The following PLCB1 variants were observed in gnomAD, a reference collection of about 807,000 sequenced individuals.
PLCB1 encodes phospholipase C beta 1.
Under a neutral mutation model 161.8 loss-of-function variants are expected in PLCB1, and 46 were observed. The ratio of observed to expected loss-of-function variants is 0.28; its 90% CI spans 0.22 to 0.36. The LOEUF (loss-of-function observed/expected upper bound fraction) is 0.36, where lower values mean the gene tolerates loss of function less well. PLCB1 is among the 10% of genes least tolerant of loss of function. The probability of loss-of-function intolerance (pLI) is 1.00; values close to 1 mark genes in which losing one functional copy is unlikely to be tolerated. For synonymous variants in PLCB1, 517 were observed against 503.7 expected (o/e 1.03, Z -0.35); for missense variants, 1,016 against 1,472.5 (o/e 0.69, Z 5.07).
At chr20:8,826,338 A>G (rs1985699106) in intron 31 of PLCB1, among the ~76,000 whole-genome samples, 1 of 152,108 alleles carries the variant, frequency 6.6e-6, no homozygotes, top group East Asian at 1.9e-4. Flanking sequence ...TACTAAAAAT[A>G]TAAAAAATTA....
chr20:8,854,569 A>G (rs1987003939), intron 31 of PLCB1, among the ~76,000 whole-genome samples: 2 of 152,214 alleles, frequency 1.3e-5, no homozygotes, highest in African/African-American at 4.8e-5. Flanking sequence ...GGAGGGGAGT[A>G]GGGAAATTAA....
At chr20:8,485,407 A>G (rs1982676874) in intron 3 of PLCB1, among the ~76,000 whole-genome samples, 1 of 152,250 alleles carries the variant, frequency 6.6e-6, no homozygotes, top group African/African-American at 2.4e-5. Flanking sequence ...AATCAATTGT[A>G]AGCTGCCTAA....
At chr20:8,229,129 C>T (rs1292494441) in intron 2 of PLCB1, among the ~76,000 whole-genome samples, 1 of 152,090 alleles carries the variant, frequency 6.6e-6, no homozygotes, top group Non-Finnish European at 1.5e-5. Context: ...TGAATGAGCA[C>T]AAGCAGTATT....
chr20:8,180,938 AGTGTGT>A (rs10604975), intron 2 of PLCB1, among the ~76,000 whole-genome samples: 6,921 of 149,676 alleles, frequency 0.046, 197 homozygotes, highest in Middle Eastern at 0.13. Flanking sequence ...ATAATGTAAA[AGTGTGT>A]GTGTGTGTGT....
At chr20:8,353,557 G>T (rs1986255580) in intron 2 of PLCB1, among the ~76,000 whole-genome samples, 2 of 152,056 alleles carry the variant, frequency 1.3e-5, no homozygotes, top group South Asian at 4.1e-4. Context: ...AAGTCATGTT[G>T]ATAGTAGGTA....
rs1429274362 is a variant in PLCB1, at chr20:8,619,879, AAAGT to A, written c.247-8408_247-8405del. Among the ~76,000 whole-genome samples the A allele has an allele frequency of 3.3e-5, 5 of 152,342 alleles. No individual in the cohort carries two copies. In the East Asian group the frequency reaches 9.6e-4, roughly 29 times the overall value. Reference sequence around the variant, plus strand: ...ATATACATACTGATCGACAAATCTCAAAGTAAGTAAATGGATATACATACATATA... The same window carrying A: ...ATATACATACTGATCGACAAATCTCAAAGTAAATGGATATACATACATATA... On this transcript the variant is annotated intron_variant, in intron 3 of 31. Coordinates refer to ENST00000338037, the MANE Select transcript of PLCB1 (RefSeq NM_015192.4).
intron 12 of PLCB1, among the ~76,000 whole-genome samples, chr20:8,714,116 C>T (rs6133610): frequency 0.098 from 14,895 of 152,066 alleles, 1,069 homozygotes; most frequent in East Asian, 0.32. Context: ...CTTAATCAAT[C>T]GCAGTGGTTT....
At chr20:8,277,113 G>T (rs1173906010) in intron 2 of PLCB1, among the ~76,000 whole-genome samples, 8 of 151,620 alleles carry the variant, frequency 5.3e-5, no homozygotes, top group Admixed American at 5.3e-4. Flanking sequence ...TGACTCTCCT[G>T]CCTCAACCTC....
At chr20:8,825,192 C>A (rs1322277377) in intron 31 of PLCB1, among the ~76,000 whole-genome samples, 2 of 152,044 alleles carry the variant, frequency 1.3e-5, no homozygotes, top group Non-Finnish European at 2.9e-5. Context: ...ATTTACCCCC[C>A]CAAAAAAGGA....
chr20:8,665,042 C>T (rs1053604250), intron 9 of PLCB1, among the ~76,000 whole-genome samples: 3 of 152,124 alleles, frequency 2.0e-5, no homozygotes, highest in African/African-American at 4.8e-5. Context: ...AAAGCACAAA[C>T]CACACGGACC....
intron 2 of PLCB1, among the ~76,000 whole-genome samples, chr20:8,287,386 G>A (rs371338733): frequency 6.6e-6 from 1 of 152,144 alleles, no homozygotes; most frequent in South Asian, 2.1e-4. Context: ...GAATAAAGAA[G>A]AGGATAAGAT....
chr20:8,812,458 G>T (rs1984873461), intron 31 of PLCB1, among the ~76,000 whole-genome samples: 1 of 152,136 alleles, frequency 6.6e-6, no homozygotes, highest in Non-Finnish European at 1.5e-5. Flanking sequence ...TGAAAGCTGG[G>T]ACAAGACAAA....
chr20:8,778,037 G>A (rs1422298406), intron 27 of PLCB1, among the ~76,000 whole-genome samples: 2 of 152,102 alleles, frequency 1.3e-5, no homozygotes, highest in Non-Finnish European at 2.9e-5. Context: ...CCCACAACAT[G>A]TGGGAATTCA....
At chr20:8,153,018 A>G (rs1325160267) in intron 2 of PLCB1, among the ~76,000 whole-genome samples, 1 of 152,152 alleles carries the variant, frequency 6.6e-6, no homozygotes, top group Non-Finnish European at 1.5e-5. Context: ...TCCCCTCTGT[A>G]GACAATGACA....
chr20:8,768,096 G>A (rs1982453191), intron 26 of PLCB1, among the ~76,000 whole-genome samples: 1 of 152,060 alleles, frequency 6.6e-6, no homozygotes, highest in South Asian at 2.1e-4. Context: ...CTTGAACCAG[G>A]AGATGGAGGT....
intron 9 of PLCB1, among the ~76,000 whole-genome samples, chr20:8,665,119 G>T (rs1008690367): frequency 6.6e-6 from 1 of 152,166 alleles, no homozygotes; most frequent in Non-Finnish European, 1.5e-5. Flanking sequence ...AGGAATAGTG[G>T]TCTCTTGGCA....
chr20:8,825,219 A>G (rs965816404), intron 31 of PLCB1, among the ~76,000 whole-genome samples: 1 of 152,242 alleles, frequency 6.6e-6, no homozygotes, highest in Admixed American at 6.5e-5. Context: ...GAACCAATAA[A>G]CAAATGATCT....
chr20:8,347,709 A>G lies in PLCB1; in HGVS notation c.178-23673A>G, dbSNP rs552000789. On this transcript the variant is annotated intron_variant, in intron 2 of 31. Transcript: ENST00000338037. ...AGTATTTCTTTTAGGGCTACTTATA[A>G]TGTTACTATAACAACCAATGAATGG... Among the ~76,000 whole-genome samples the G allele has an allele frequency of 2.0e-4, 30 of 152,346 alleles. No homozygotes were observed. The South Asian group carries it at 3.9e-3, about 20-fold the overall frequency.
chr20:8,879,311 AC>A lies in PLCB1; in HGVS notation c.3424-2310del, dbSNP rs1311598067. On this transcript the variant is annotated intron_variant, in intron 31 of 31. Coordinates refer to ENST00000338037, the MANE Select transcript of PLCB1 (RefSeq NM_015192.4). ...TTTTTGATGTGAAAAAAAAAAAAAA[AC>A]AAGTCATTTAAACTAGATCCATAAT... Among the ~76,000 whole-genome samples the A allele has an allele frequency of 6.5e-3, 973 of 150,250 alleles. 9 individuals carry two copies. The highest frequency in any genetic ancestry group is 0.023 in the African/African-American group (915 of 40,486).
Sources: allele counts gnomAD v4.1 joint callset (sites outside exome capture counted in the v4.1 genomes callset), GRCh38; gene constraint gnomAD v4.1.1; transcripts MANE v1.5; gene names NCBI Gene and HGNC (gene_info 2026-07-23, HGNC 2026-07-21).